The following DYNC1H1 variants were observed in gnomAD, a reference collection of about 807,000 sequenced individuals.
DYNC1H1 encodes cytoplasmic dynein 1 heavy chain 1.
DYNC1H1 carries 51 observed loss-of-function variants against 527.1 expected under a neutral mutation model. The observed-to-expected ratio is 0.10, with a 90% CI of 0.08 to 0.12. The LOEUF (loss-of-function observed/expected upper bound fraction) is 0.12. DYNC1H1 is among the 10% of genes least tolerant of loss of function. DYNC1H1 has a pLI of 1.00. For synonymous variants in DYNC1H1, 2,189 were observed against 2,278.8 expected (o/e 0.96, Z 1.12); for missense variants, 2,771 against 5,971.8 (o/e 0.46, Z 17.66).
rs567247522 is a variant in DYNC1H1, at chr14:101,983,215, A to G, written c.1158A>G (p.Arg386=). The G allele has an allele frequency of 9.9e-6, 16 of 1,614,258 alleles. No homozygotes were observed. In the South Asian group the frequency reaches 1.8e-4, roughly 18 times the overall value. The change falls in exon 6 of 78, where the codon AGA becomes AGG. Residue 386 remains arginine (R), a synonymous_variant. Coordinates refer to ENST00000360184, the MANE Select transcript of DYNC1H1 (RefSeq NM_001376.5). The surrounding 1 kb of genome is among the most constrained non-coding windows in gnomAD (Gnocchi z 5.3). ...TGCGTTTGGTGGAGGCAATTTCAAG[A>G]GACTTGAGTTCTCAATTACTCAAAG... is the stretch of plus-strand genomic sequence containing the variant. ...RALRLVEAIS[R]DLSSQLLKVL...
chr14:101,984,448 A>ATTTTTTTTTTTT (rs1224932045), intron 7 of DYNC1H1, among the ~76,000 whole-genome samples: 1 of 89,116 alleles, frequency 1.1e-5, no homozygotes, highest in African/African-American at 5.6e-5. Context: ...TATATATATT[A>ATTTTTTTTTTTT]TATTTTTTTT....
At chr14:101,977,856 T>A (rs1021600295) in intron 2 of DYNC1H1, among the ~76,000 whole-genome samples, 8 of 152,258 alleles carry the variant, frequency 5.3e-5, no homozygotes, top group Non-Finnish European at 8.8e-5. Flanking sequence ...TCAGAAAGTT[T>A]CATTGACTTT....
In DYNC1H1 at chr14:102,006,189, C is replaced by G. The variant is rs2048194233; in HGVS notation, c.5716+19C>G. 3.1e-6 allele frequency: 5 copies of G among 1,612,318 alleles called. No individual in the cohort carries two copies. Among genetic ancestry groups the G allele is most frequent in the Non-Finnish European group, 3.4e-6 (4 of 1,179,850 alleles). ...CCATTTGGTAAGTTCTTCCACAGAT[C>G]TGGACAGATGGAATCATATATTAAA... On this transcript the variant is annotated intron_variant, in intron 27 of 77. Transcript: ENST00000360184.
At chr14:102,031,372 C>A (rs1031314576) in intron 51 of DYNC1H1, among the ~76,000 whole-genome samples, 1 of 152,154 alleles carries the variant, frequency 6.6e-6, no homozygotes, top group Admixed American at 6.5e-5. Context: ...GTAGCTGGAA[C>A]TATAGGTGCG....
Position 102,017,303 on chromosome 14 carries a change from C to G in DYNC1H1, c.8055+9C>G, listed in dbSNP as rs753929462. The G allele has an allele frequency of 7.4e-6, 12 of 1,614,144 alleles. No individual in the cohort carries two copies. Among genetic ancestry groups the G allele is most frequent in the East Asian group, 2.2e-5 (1 of 44,904 alleles). On this transcript the variant is annotated intron_variant, in intron 39 of 77. Coordinates refer to ENST00000360184, the MANE Select transcript of DYNC1H1 (RefSeq NM_001376.5). The surrounding 1 kb of genome is among the most constrained non-coding windows in gnomAD (Gnocchi z 4.6). ...TATCCTTCATCAGACAGGTTTGTTTCTATCCACAAGGCCCTTCCTGCCCCA... is the reference window on the plus strand; with the variant it reads ...TATCCTTCATCAGACAGGTTTGTTTGTATCCACAAGGCCCTTCCTGCCCCA...
At position 101,979,612 on chromosome 14, in the gene DYNC1H1, TG is replaced by T; in HGVS notation, c.519-106del. On this transcript the variant is annotated intron_variant, in intron 3 of 77. Coordinates refer to ENST00000360184, the MANE Select transcript of DYNC1H1 (RefSeq NM_001376.5). This position sits in a 1 kb window ranked among gnomAD's most constrained non-coding sequence, Gnocchi z 4.6. ...GTGAGCCGAGGGGATATAAACCCTGTGTATTAATAAATATGTGTGTCATTAC... is the reference window on the plus strand; with the variant it reads ...GTGAGCCGAGGGGATATAAACCCTGTTATTAATAAATATGTGTGTCATTAC... The T allele has an allele frequency of 6.2e-7, 1 of 1,606,144 alleles. No homozygotes were observed. The highest frequency in any genetic ancestry group is 1.1e-5 in the South Asian group (1 of 90,424).
rs2048770946 is a variant in DYNC1H1, at chr14:102,049,269, TGTG to T, written c.13373-167_13373-165del. Reference sequence around the variant, plus strand: ...CTGGACCAGCCTGAGCTAGAGCAGATGTGGTGAGGGCGGCGCCAGGGGCATAAA... The same window carrying T: ...CTGGACCAGCCTGAGCTAGAGCAGATGTGAGGGCGGCGCCAGGGGCATAAA... On this transcript the variant is annotated intron_variant, in intron 74 of 77. Coordinates refer to ENST00000360184, the MANE Select transcript of DYNC1H1 (RefSeq NM_001376.5). This position sits in a 1 kb window ranked among gnomAD's most constrained non-coding sequence, Gnocchi z 5.5. 8.2e-6 allele frequency: 7 copies of T among 849,682 alleles called. 1 individual carries two copies. In the South Asian group the frequency reaches 1.1e-4, roughly 13 times the overall value. The allele number at this position is 849,682 out of a possible 1,614,324, so 52.6% of individuals were successfully genotyped here. A position where few individuals can be genotyped will look rare whatever the true frequency, so the allele number is the denominator to read the frequency against.
intron 2 of DYNC1H1, among the ~76,000 whole-genome samples, chr14:101,978,136 C>CCT (rs2047823116): frequency 1.3e-5 from 2 of 152,218 alleles, no homozygotes; most frequent in Admixed American, 6.5e-5. Context: ...CTCACTGCAA[C>CCT]CTCTGCCTCC....
At chr14:101,970,260 G>A (rs1051022218) in intron 1 of DYNC1H1, among the ~76,000 whole-genome samples, 11 of 151,892 alleles carry the variant, frequency 7.2e-5, no homozygotes, top group South Asian at 2.1e-4. Context: ...CTTTCTCACC[G>A]TGTTCTGAGC....
At chr14:101,995,956 C>T (rs1439905964) in intron 15 of DYNC1H1, among the ~76,000 whole-genome samples, 32 of 151,450 alleles carry the variant, frequency 2.1e-4, no homozygotes, top group Admixed American at 2.0e-3. Flanking sequence ...CCCAGCTACT[C>T]GGGAGGCTGA....
At chr14:101,999,829 T>C (rs752087495) in intron 16 of DYNC1H1, among the ~76,000 whole-genome samples, 160 bp from the exon 17 acceptor site, 21 of 152,244 alleles carry the variant, frequency 1.4e-4, no homozygotes, top group Non-Finnish European at 2.1e-4. Flanking sequence ...TGTACACACA[T>C]CCAAAGTGGA....
intron 72 of DYNC1H1, among the ~76,000 whole-genome samples, chr14:102,045,894 C>T (rs1166545063): frequency 1.3e-5 from 2 of 152,006 alleles, no homozygotes; most frequent in Non-Finnish European, 2.9e-5. Context: ...CAGCCGGGCA[C>T]GGTGGCTCAA....
intron 7 of DYNC1H1, among the ~76,000 whole-genome samples, chr14:101,984,595 C>T (rs1213738815): frequency 2.0e-5 from 3 of 149,454 alleles, no homozygotes; most frequent in South Asian, 4.2e-4. Flanking sequence ...GAATTACAGG[C>T]GCCAGCCACC....
Position 102,029,503 on chromosome 14 carries a change from C to G in DYNC1H1, c.9469-36C>G, listed in dbSNP as rs2048486500. The G allele has an allele frequency of 6.2e-7, 1 of 1,613,784 alleles. No homozygotes were observed. The highest frequency in any genetic ancestry group is 8.5e-7 in the Non-Finnish European group (1 of 1,179,840). On this transcript the variant is annotated intron_variant, in intron 48 of 77. Transcript: ENST00000360184. The surrounding 1 kb of genome is among the most constrained non-coding windows in gnomAD (Gnocchi z 5.3). ...TTTCTGAGGTTAAGTCACAGAGTTT[C>G]CTGAAGAGTGAGAAGATGTAACTAT...
Position 102,015,931 on chromosome 14 carries a change from G to T in DYNC1H1, c.7318G>T (p.Ala2440Ser), listed in dbSNP as rs757980661. ...NGLVTKALEH[A>S]FQLEHIMDLT... ...CCTGGTCACCAAGGCGCTAGAGCAC[G>T]CCTTCCAGCTGGAGCACATCATGGA... Residue 2440 changes from alanine (A) to serine (S), a missense_variant, in exon 36 of 78, where the codon GCC (alanine) becomes TCC (serine). Ala to Ser is a moderately conservative substitution (Grantham distance 99). Around this residue, in one of 32 missense-constraint regions of DYNC1H1, gnomAD observed 122 missense variants for 168.4 expected, o/e 0.72. Coordinates refer to ENST00000360184, the MANE Select transcript of DYNC1H1 (RefSeq NM_001376.5). The surrounding 1 kb of genome is among the most constrained non-coding windows in gnomAD (Gnocchi z 6.9). The T allele has an allele frequency of 6.2e-7, 1 of 1,614,210 alleles. No individual in the cohort carries two copies. Among genetic ancestry groups the T allele is most frequent in the South Asian group, 1.1e-5 (1 of 91,090 alleles).
intron 7 of DYNC1H1, among the ~76,000 whole-genome samples, chr14:101,984,932 CAAAAAAAAAAAAA>C (rs773102943): frequency 2.5e-4 from 10 of 40,164 alleles, no homozygotes; most frequent in Admixed American, 1.1e-3. Flanking sequence ...GGCTCCGTCT[CAAAAAAAAAAAAA>C]AAAAAAAAAA....
rs374593458 is a variant in DYNC1H1 at position 102,029,646 on chromosome 14, C to T, written c.9576C>T (p.Ser3192=). 15 of 1,614,080 alleles carry T rather than the reference C, an allele frequency of 9.3e-6. No homozygotes were observed. The highest frequency in any genetic ancestry group is 6.7e-5 in the Admixed American group (4 of 60,002). Residue 3192 remains serine, a synonymous_variant, in exon 49 of 78, where the codon AGC becomes AGT. Coordinates refer to ENST00000360184, the MANE Select transcript of DYNC1H1 (RefSeq NM_001376.5). This position sits in a 1 kb window ranked among gnomAD's most constrained non-coding sequence, Gnocchi z 5.3. ...HYANLFHEKR[S]ELEEQQMHLN... Reference sequence around the variant, plus strand: ...CCAACCTGTTCCACGAGAAGCGGAGCGAGCTGGAGGAGCAGCAGATGCACT... The same window carrying T: ...CCAACCTGTTCCACGAGAAGCGGAGTGAGCTGGAGGAGCAGCAGATGCACT...
In DYNC1H1 at chr14:102,056,309, A is replaced by G. The variant is rs1374868405; in HGVS notation, c.*5746A>G. 1 of 152,202 alleles carries G rather than the reference A, an allele frequency of 6.6e-6. No homozygotes were observed. Among genetic ancestry groups the G allele is most frequent in the East Asian group, 1.9e-4 (1 of 5,194 alleles). 9.4% of individuals were successfully genotyped at this position (152,202 alleles called of 1,614,324 possible). A position where few individuals can be genotyped will look rare whatever the true frequency, so the allele number is the denominator to read the frequency against. On this transcript the variant is annotated 3_prime_UTR_variant, in exon 78 of 78. Transcript: ENST00000360184. Reference sequence around the variant, plus strand: ...ACGTATCCCCCAGACTGCTCAATCAATCACGACCCTTTCACGTAAAATCTT... The same window carrying G: ...ACGTATCCCCCAGACTGCTCAATCAGTCACGACCCTTTCACGTAAAATCTT...
chr14:102,036,005 G>T lies in DYNC1H1; in HGVS notation c.10755-484G>T. The T allele has an allele frequency of 5.6e-6, 1 of 179,474 alleles. No homozygotes were observed. The highest frequency in any genetic ancestry group is 1.2e-5 in the Non-Finnish European group (1 of 83,562). 11.1% of individuals were successfully genotyped at this position (179,474 alleles called of 1,614,324 possible). ...GCTTATTTGTGTCCTTTCCTCATTT[G>T]TAGAATGGTTCGATAACAGTGTCAG... On this transcript the variant is annotated intron_variant, in intron 56 of 77. Coordinates refer to ENST00000360184, the MANE Select transcript of DYNC1H1 (RefSeq NM_001376.5). The surrounding 1 kb of genome is among the most constrained non-coding windows in gnomAD (Gnocchi z 5.6).
Sources: allele counts gnomAD v4.1 joint callset (sites outside exome capture counted in the v4.1 genomes callset), GRCh38; gene constraint gnomAD v4.1.1; regional missense constraint gnomAD v4.1.1; non-coding constraint Gnocchi (gnomAD v3.1); transcripts MANE v1.5; gene names NCBI Gene and HGNC (gene_info 2026-07-23, HGNC 2026-07-21).